The following HCFC1 variants were observed in gnomAD, a reference collection of about 807,000 sequenced individuals.
HCFC1 encodes the protein host cell factor 1.
HCFC1 carries 7 observed loss-of-function variants against 105.5 expected under a neutral mutation model. The observed-to-expected ratio is 0.07, with a 90% CI of 0.04 to 0.12. The LOEUF is 0.12. Ranked by LOEUF, HCFC1 falls within the 10% of genes least tolerant of loss-of-function variation. The pLI is 1.00. For synonymous variants in HCFC1, 918 were observed against 828.1 expected (o/e 1.11, Z -1.86); for missense variants, 1,065 against 1,823.6 (o/e 0.58, Z 7.58).
rs781985655 is a variant in HCFC1 at position 153,954,894 on chromosome X, G to A, written c.3505C>T (p.Arg1169Cys). 7 of 1,164,631 alleles carry A rather than the reference G, an allele frequency of 6.0e-6. No individual in the cohort carries two copies. The highest frequency in any genetic ancestry group is 3.8e-5 in the South Asian group (2 of 52,792). Reference sequence around the variant, plus strand: ...GTGGTGCTGGTCGCGCTGGTCTGGCGGGTTTGGCACTGGGACTTAGAGCCC... The same window carrying A: ...GTGGTGCTGGTCGCGCTGGTCTGGCAGGTTTGGCACTGGGACTTAGAGCCC... ...AQGSKSQCQTRQTSATSTTMT... is the reference protein window; with the variant it reads ...AQGSKSQCQTCQTSATSTTMT... The change falls in exon 17 of 26, where the codon CGC (arginine) becomes TGC (cysteine). Residue 1169 changes from arginine to cysteine, a missense_variant. Arg to Cys is a radical substitution (Grantham distance 180). Around this residue, in one of 17 missense-constraint regions of HCFC1, gnomAD observed 546 missense variants for 599.9 expected, o/e 0.91. Coordinates refer to ENST00000310441, the MANE Select transcript of HCFC1 (RefSeq NM_005334.3).
intron 18 of HCFC1, 142 bp downstream of exon 18, chrX:153,953,465 C>T: frequency 5.3e-6 from 3 of 570,267 alleles, no homozygotes; most frequent in Non-Finnish European, 8.2e-6. Context: ...CAGCAGGCAC[C>T]GAGGCTGCCC....
At chrX:153,965,245 T>G (rs2065463655) in intron 1 of HCFC1, among the ~76,000 whole-genome samples, 2 of 111,339 alleles carry the variant, frequency 1.8e-5, no homozygotes, top group Non-Finnish European at 3.8e-5. Context: ...TCCTCTGGTC[T>G]CCTAGGTGAT....
rs1473135365 is a variant in HCFC1, at chrX:153,948,026, T to G, written c.*1321A>C. The G allele has an allele frequency of 8.9e-6, 1 of 111,972 alleles. No individual in the cohort carries two copies. The highest frequency in any genetic ancestry group is 3.2e-5 in the African/African-American group (1 of 30,779). 9.2% of individuals were successfully genotyped at this position (111,972 alleles called of 1,213,427 possible). On this transcript the variant is annotated 3_prime_UTR_variant, in exon 26 of 26. Coordinates refer to ENST00000310441, the MANE Select transcript of HCFC1 (RefSeq NM_005334.3). ...GCCTGCTCCATTGCCCTAGCCTCCC[T>G]TGTGGGTGACACTACACAGTCACCC...
intron 6 of HCFC1, 44 bp downstream of exon 6, chrX:153,961,498 C>T: frequency 1.0e-6 from 1 of 961,190 alleles, no homozygotes; most frequent in Non-Finnish European, 1.5e-6. Context: ...GGGCCAGCCT[C>T]CTGCAGCCTC....
In HCFC1 at chrX:153,952,715, C is replaced by T. The variant is rs782729346; in HGVS notation, c.4741G>A (p.Glu1581Lys). ...TGGGGAAGTGATAACTGGTCTACTTCGGACTGTGTGGGTGGGGGTGGCTGG... is the reference window on the plus strand; with the variant it reads ...TGGGGAAGTGATAACTGGTCTACTTTGGACTGTGTGGGTGGGGGTGGCTGG... ...VVQPPPPTQS[E>K]VDQLSLPQEL... Residue 1581 changes from glutamate to lysine, a missense_variant, in exon 19 of 26, where the codon GAA (glutamate) becomes AAA (lysine). Transcript: ENST00000310441. 3 of 1,209,932 alleles carry T rather than the reference C, an allele frequency of 2.5e-6. No individual in the cohort carries two copies. The highest frequency in any genetic ancestry group is 2.2e-6 in the Non-Finnish European group (2 of 894,479).
At chrX:153,966,525 T>C (rs2065475037) in intron 1 of HCFC1, among the ~76,000 whole-genome samples, 1 of 112,778 alleles carries the variant, frequency 8.9e-6, no homozygotes, top group Non-Finnish European at 1.9e-5. Context: ...AAGCAAGAGC[T>C]GCCAAGGCCA....
rs888019811 is a variant in HCFC1 at position 153,957,712 on chromosome X, A to G, written c.2133+70T>C. The G allele has an allele frequency of 5.8e-6, 5 of 856,547 alleles. No individual in the cohort carries two copies. The African/African-American group carries it at 1.0e-4, about 17-fold the overall frequency. 70.6% of individuals were successfully genotyped at this position (856,547 alleles called of 1,213,427 possible). On this transcript the variant is annotated intron_variant, in intron 12 of 25. Transcript: ENST00000310441. ...CTCATGGGATCTTCCATGGGCAGGG[A>G]CATGAGTTCTTCCTGTGGCCTGGCA...
rs782300483 is a variant in HCFC1, at chrX:153,955,381, A to G, written c.3018T>C (p.Pro1006=). ...IADSGQGDVQ[P]GTVTLVCSNP... ...TGGAGCACACCAAGGTGACAGTGCCAGGCTGCACATCACCCTGGCCTGAGT... is the reference window on the plus strand; with the variant it reads ...TGGAGCACACCAAGGTGACAGTGCCGGGCTGCACATCACCCTGGCCTGAGT... Residue 1006 remains proline (P), a synonymous_variant, in exon 17 of 26, where the codon CCT becomes CCC. Coordinates refer to ENST00000310441, the MANE Select transcript of HCFC1 (RefSeq NM_005334.3). The G allele has an allele frequency of 5.0e-5, 60 of 1,209,927 alleles. No homozygotes were observed. The South Asian group carries it at 9.0e-4, about 18-fold the overall frequency.
rs782652831 is a variant in HCFC1, at chrX:153,952,880, C to T, written c.4576G>A (p.Ala1526Thr). 5.1e-6 allele frequency: 6 copies of T among 1,182,611 alleles called. No individual in the cohort carries two copies. In the Admixed American group the frequency reaches 1.4e-4, roughly 28 times the overall value. ...ACCTCGGCGGACTCCCCCATCAGGGCTGTGGAAGCCGACTGCAGAAGCTGC... is the reference window on the plus strand; with the variant it reads ...ACCTCGGCGGACTCCCCCATCAGGGTTGTGGAAGCCGACTGCAGAAGCTGC... ...PRQLLQSAST[A>T]LMGESAEVLS... The change falls in exon 19 of 26, where the codon GCC (alanine) becomes ACC (threonine). Residue 1526 changes from alanine (A) to threonine (T), a missense_variant. Ala to Thr is a moderately conservative substitution (Grantham distance 58). Around this residue, in one of 17 missense-constraint regions of HCFC1, gnomAD observed 546 missense variants for 599.9 expected, o/e 0.91. Transcript: ENST00000310441.
intron 23 of HCFC1, 75 bp downstream of exon 23, chrX:153,950,738 C>G (rs1486257096): frequency 3.1e-5 from 32 of 1,045,889 alleles, no homozygotes; most frequent in African/African-American, 5.6e-5. Flanking sequence ...TCCTATGCCC[C>G]CCCCCGGCCA....
rs781895530 is a variant in HCFC1 at position 153,954,917 on chromosome X, C to A, written c.3482G>T (p.Gly1161Val). 11 of 1,176,994 alleles carry A rather than the reference C, an allele frequency of 9.3e-6. No individual in the cohort carries two copies. Among genetic ancestry groups the A allele is most frequent in the African/African-American group, 1.8e-5 (1 of 56,884 alleles). The change falls in exon 17 of 26, where the codon GGC (glycine) becomes GTC (valine). Residue 1161 changes from glycine to valine, a missense_variant. Around this residue, in one of 17 missense-constraint regions of HCFC1, gnomAD observed 546 missense variants for 599.9 expected, o/e 0.91. Transcript: ENST00000310441. ...VATGALEAAQGSKSQCQTRQT... is the reference protein window; with the variant it reads ...VATGALEAAQVSKSQCQTRQT... Reference sequence around the variant, plus strand: ...GCGGGTTTGGCACTGGGACTTAGAGCCCTGGGCTGCCTCCAGCGCCCCAGT... The same window carrying A: ...GCGGGTTTGGCACTGGGACTTAGAGACCTGGGCTGCCTCCAGCGCCCCAGT...
At chrX:153,969,373 T>TTAGTGCTGG (rs1285014440) in intron 1 of HCFC1, 4 of 109,042 alleles carry the variant, frequency 3.7e-5, no homozygotes, top group African/African-American at 1.3e-4. Context: ...GAGCAAGGGG[T>TTAGTGCTGG]TAGTGCTGGG....
intron 4 of HCFC1, among the ~76,000 whole-genome samples, chrX:153,962,516 G>A (rs1414501517): frequency 8.9e-6 from 1 of 112,297 alleles, no homozygotes; most frequent in Non-Finnish European, 1.9e-5. Flanking sequence ...TAGCAATAGC[G>A]CTCCTTCAGG....
chrX:153,949,113 C>T lies in HCFC1; in HGVS notation c.*234G>A, dbSNP rs1214284254. 9.0e-6 allele frequency: 3 copies of T among 333,158 alleles called. No homozygotes were observed. The highest frequency in any genetic ancestry group is 2.7e-5 in the African/African-American group (1 of 37,395). 27.5% of individuals were successfully genotyped at this position (333,158 alleles called of 1,213,427 possible). On this transcript the variant is annotated 3_prime_UTR_variant, in exon 26 of 26. Transcript: ENST00000310441. ...GGGCGGCAGCGGGGAGGAAAGGAAG[C>T]GCGCTCCTCTCTCTGCTTTCCCATC...
At chrX:153,967,118 G>A (rs2065480414) in intron 1 of HCFC1, among the ~76,000 whole-genome samples, 1 of 112,056 alleles carries the variant, frequency 8.9e-6, no homozygotes, top group African/African-American at 3.2e-5. Context: ...TCACCCACGA[G>A]TCCTGGTTCC....
Position 153,961,645 on chromosome X carries a change from C to A in HCFC1, c.801G>T (p.Met267Ile). The A allele has an allele frequency of 8.4e-7, 1 of 1,192,102 alleles. No individual in the cohort carries two copies. The highest frequency in any genetic ancestry group is 1.1e-6 in the Non-Finnish European group (1 of 878,797). Reference sequence around the variant, plus strand: ...GAGGCACCCAGCCACCAAACACGTACATTCTGGGAGTGAGGAGGGAAGAGT... The same window carrying A: ...GAGGCACCCAGCCACCAAACACGTAAATTCTGGGAGTGAGGAGGGAAGAGT... ...LHSATTIGNKMYVFGGWVPLV... is the reference protein window; with the variant it reads ...LHSATTIGNKIYVFGGWVPLV... Residue 267 changes from methionine to isoleucine, a missense_variant, in exon 6 of 26, where the codon ATG becomes ATT. This residue lies in a region of HCFC1 where 5 missense variants were observed against 23.5 expected (regional missense o/e 0.21). Coordinates refer to ENST00000310441, the MANE Select transcript of HCFC1 (RefSeq NM_005334.3).
rs368448179 is a variant in HCFC1 at position 153,962,194 on chromosome X, A to G, written c.797+28T>C. 1.6e-5 allele frequency: 18 copies of G among 1,145,394 alleles called. No individual in the cohort carries two copies. In the African/African-American group the frequency reaches 2.9e-4, roughly 18 times the overall value. The allele number at this position is 1,145,394 out of a possible 1,213,427, so 94.4% of individuals were successfully genotyped here. A position where few individuals can be genotyped will look rare whatever the true frequency, so the allele number is the denominator to read the frequency against. On this transcript the variant is annotated intron_variant, in intron 5 of 25. Coordinates refer to ENST00000310441, the MANE Select transcript of HCFC1 (RefSeq NM_005334.3). Reference sequence around the variant, plus strand: ...GGGAGGGGCCACGCCAGTCTAGAGAAGAGAGACGCAGGTGAGCAGCCACTT... The same window carrying G: ...GGGAGGGGCCACGCCAGTCTAGAGAGGAGAGACGCAGGTGAGCAGCCACTT...
chrX:153,955,166 G>A lies in HCFC1; in HGVS notation c.3233C>T (p.Pro1078Leu). ...GCCCGTCTCGTGGGTCTCGCAGGGC[G>A]GGTTCGAACAGACTCGGACCACGCT... ...NGSVVRVCSN[P>L]PCETHETGTT... The change falls in exon 17 of 26, where the codon CCG (proline) becomes CTG (leucine). Residue 1078 changes from proline to leucine, a missense_variant. Coordinates refer to ENST00000310441, the MANE Select transcript of HCFC1 (RefSeq NM_005334.3). 4.1e-6 allele frequency: 5 copies of A among 1,211,650 alleles called. No homozygotes were observed. Among genetic ancestry groups the A allele is most frequent in the Admixed American group, 4.3e-5 (2 of 46,100 alleles).
Position 153,953,731 on chromosome X carries a change from C to A in HCFC1, c.4373G>T (p.Ser1458Ile). The part of the protein sequence containing the change: ...PAASDQGEVE[S>I]TQGDSVNITS... ...GATGTTCACGCTGTCGCCCTGGGTG[C>A]TCTCCACCTCTCCCTGATCGCTGGC... Residue 1458 changes from serine to isoleucine, a missense_variant, in exon 18 of 26, where the codon AGC becomes ATC. Physicochemically the swap from Ser to Ile is moderately radical, Grantham distance 142 (BLOSUM62 -2). Coordinates refer to ENST00000310441, the MANE Select transcript of HCFC1 (RefSeq NM_005334.3). 8.3e-7 allele frequency: 1 copy of A among 1,209,913 alleles called. No individual in the cohort carries two copies. Among genetic ancestry groups the A allele is most frequent in the Admixed American group, 2.2e-5 (1 of 46,062 alleles).
Sources: allele counts gnomAD v4.1 joint callset (sites outside exome capture counted in the v4.1 genomes callset), GRCh38; gene constraint gnomAD v4.1.1; regional missense constraint gnomAD v4.1.1; transcripts MANE v1.5; gene names NCBI Gene and HGNC (gene_info 2026-07-23, HGNC 2026-07-21).